SHISA9: variants seen among roughly 807,000 people sequenced by gnomAD.
SHISA9 encodes protein shisa-9.
A neutral mutation model predicts 38.0 loss-of-function variants in SHISA9; 13 were observed. That is an observed-to-expected ratio of 0.34 (90% CI 0.22 to 0.54). The LOEUF is 0.54. Among genes scored for constraint, SHISA9 ranks in the 20% least tolerant of loss-of-function variants. The pLI is 0.91. For missense variants in SHISA9, 538 were observed against 575.8 expected (o/e 0.93, Z 0.67); for synonymous variants, 275 against 242.0 (o/e 1.14, Z -1.27).
intron 2 of SHISA9, among the ~76,000 whole-genome samples, chr16:13,018,334 G>A (rs918584475): frequency 1.3e-5 from 2 of 152,184 alleles, no homozygotes; most frequent in African/African-American, 4.8e-5. Context: ...CACGCAGGTT[G>A]GCCCTGCTTC....
chr16:13,527,629 T>C, the SHISA9 span, among the ~76,000 whole-genome samples: 1 of 152,100 alleles, frequency 6.6e-6, no homozygotes, highest in Non-Finnish European at 1.5e-5. Context: ...GCAAACACAC[T>C]CAGAGAAGTT....
chr16:13,549,551 G>GA, the SHISA9 span, among the ~76,000 whole-genome samples: 27 of 150,876 alleles, frequency 1.8e-4, no homozygotes, highest in African/African-American at 5.1e-4. Context: ...TTATATTTAA[G>GA]AAAAAAAAAC....
chr16:13,377,222 C>A, the SHISA9 span, among the ~76,000 whole-genome samples: 3 of 152,072 alleles, frequency 2.0e-5, no homozygotes, highest in Non-Finnish European at 4.4e-5. Flanking sequence ...GCCTTAGGGG[C>A]GGCATTCATG....
the SHISA9 span, among the ~76,000 whole-genome samples, chr16:13,359,097 T>TCCAGTTTTAGATTCC: frequency 8.8e-4 from 5 of 5,670 alleles, no homozygotes; most frequent in East Asian, 0.14. Context: ...AAGAAGAATG[T>TCCAGTTTTAGATTCC]CCAGTTTTAG....
chr16:13,316,269 G>A, the SHISA9 span, among the ~76,000 whole-genome samples: 1 of 152,122 alleles, frequency 6.6e-6, no homozygotes, highest in East Asian at 1.9e-4. Flanking sequence ...AAAGTTTCCT[G>A]CAACCACAGA....
chr16:13,171,305 A>G (rs1282230936), intron 2 of SHISA9, among the ~76,000 whole-genome samples: 1 of 152,148 alleles, frequency 6.6e-6, no homozygotes, highest in Non-Finnish European at 1.5e-5. Context: ...ACATTTCAAC[A>G]TGAGATTTGG....
At chr16:12,975,627 A>G (rs936844391) in intron 2 of SHISA9, among the ~76,000 whole-genome samples, 3 of 126,870 alleles carry the variant, frequency 2.4e-5, no homozygotes, top group Non-Finnish European at 4.8e-5. Context: ...GCATTCAGGC[A>G]ATGGTAAATG....
At chr16:12,963,559 C>A (rs1452659904) in intron 2 of SHISA9, among the ~76,000 whole-genome samples, 1 of 152,194 alleles carries the variant, frequency 6.6e-6, no homozygotes, top group Admixed American at 6.5e-5. Context: ...TATTATGTGC[C>A]AAGTGCCTTC....
At chr16:13,317,710 C>A in the SHISA9 span, among the ~76,000 whole-genome samples, 1 of 152,190 alleles carries the variant, frequency 6.6e-6, no homozygotes, top group Non-Finnish European at 1.5e-5. Context: ...ATGCTTCACA[C>A]CATGTACACA....
intron 2 of SHISA9, among the ~76,000 whole-genome samples, chr16:13,129,765 TG>T (rs2050291604): frequency 1.3e-5 from 2 of 152,150 alleles, no homozygotes; most frequent in Non-Finnish European, 2.9e-5. Flanking sequence ...AGGGGAAGTC[TG>T]ACCTCTAGAC....
chr16:13,011,857 G>T (rs1596583237), intron 2 of SHISA9, among the ~76,000 whole-genome samples: 1 of 150,658 alleles, frequency 6.6e-6, no homozygotes, highest in East Asian at 2.0e-4. Context: ...ACAGAGTCTT[G>T]CTCTGTTGCC....
chr16:13,434,155 C>G, the SHISA9 span, among the ~76,000 whole-genome samples: 1 of 152,092 alleles, frequency 6.6e-6, no homozygotes. Flanking sequence ...GCATCCGGCA[C>G]GGGAGAAAGA....
the SHISA9 span, among the ~76,000 whole-genome samples, chr16:13,473,085 T>C: frequency 6.6e-6 from 1 of 152,218 alleles, no homozygotes; most frequent in South Asian, 2.1e-4. Flanking sequence ...TGTTGGATTC[T>C]GACTAACTTT....
At chr16:13,126,874 AAGAG>A in intron 2 of SHISA9, among the ~76,000 whole-genome samples, 1 of 113,918 alleles carries the variant, frequency 8.8e-6, no homozygotes, top group Non-Finnish European at 1.8e-5. Flanking sequence ...CTGAGGGAAG[AAGAG>A]AGAAGGAGGA....
At chr16:13,555,200 G>C in the SHISA9 span, among the ~76,000 whole-genome samples, 2 of 152,210 alleles carry the variant, frequency 1.3e-5, no homozygotes, top group African/African-American at 2.4e-5. Flanking sequence ...TAGACTGTTA[G>C]TACAGTGCTT....
chr16:13,130,761 C>T (rs1596669404), intron 2 of SHISA9, among the ~76,000 whole-genome samples: 1 of 152,220 alleles, frequency 6.6e-6, no homozygotes, highest in East Asian at 1.9e-4. Context: ...AACCCTGCCA[C>T]AGTAGCACAA....
intron 2 of SHISA9, among the ~76,000 whole-genome samples, chr16:12,933,798 C>A (rs569904252): frequency 6.6e-6 from 1 of 152,008 alleles, no homozygotes; most frequent in African/African-American, 2.4e-5. Context: ...TAGTTAGGCA[C>A]TGTGTTAATG....
rs1434979156 is a variant in SHISA9, at chr16:13,045,254, C to G, written c.691+128439C>G. Reference sequence around the variant, plus strand: ...ACTAAGTGCTGTTCTAAGTAGCTCACACATATTATTTCATTGAATGCCTAC... The same window carrying G: ...ACTAAGTGCTGTTCTAAGTAGCTCAGACATATTATTTCATTGAATGCCTAC... On this transcript the variant is annotated intron_variant, in intron 2 of 4. Coordinates refer to ENST00000558583, the MANE Select transcript of SHISA9 (RefSeq NM_001145204.3). 3.3e-5 allele frequency among the ~76,000 whole-genome samples: 5 copies of G among 152,192 alleles called. No individual in the cohort carries two copies. In the East Asian group the frequency reaches 7.7e-4, roughly 23 times the overall value.
chr16:13,422,484 T>C, the SHISA9 span, among the ~76,000 whole-genome samples: 19 of 152,056 alleles, frequency 1.2e-4, no homozygotes, highest in East Asian at 3.7e-3. Flanking sequence ...TCACTTGAGG[T>C]CAGGTGTTCA....
Sources: gnomAD v4.1 joint callset for allele counts (sites outside exome capture counted in the v4.1 genomes callset) on GRCh38, gnomAD v4.1.1 for gene constraint, MANE v1.5 for transcripts, NCBI Gene and HGNC (gene_info 2026-07-23, HGNC 2026-07-21) for gene names.